Variants in ACER3 observed in about 807,000 individuals in gnomAD.
The protein encoded by ACER3 is alkCDase 3.
Under a neutral mutation model 48.9 loss-of-function variants are expected in ACER3, and 16 were observed. The ratio of observed to expected loss-of-function variants is 0.33; its 90% CI spans 0.22 to 0.50. ACER3 has a LOEUF of 0.50. Ranked by LOEUF, ACER3 falls within the 20% of genes least tolerant of loss-of-function variation. The pLI is 0.98. For synonymous variants in ACER3, 109 were observed against 107.8 expected (o/e 1.01, Z -0.07); for missense variants, 227 against 326.0 (o/e 0.70, Z 2.34).
chr11:77,004,867 T>G (rs1426395286), intron 7 of ACER3, among the ~76,000 whole-genome samples: 1 of 152,164 alleles, frequency 6.6e-6, no homozygotes, highest in Non-Finnish European at 1.5e-5. Flanking sequence ...GTCATGTTTT[T>G]AATCCACTCT....
At chr11:76,922,552 C>A (rs1946714903) in intron 1 of ACER3, among the ~76,000 whole-genome samples, 1 of 152,102 alleles carries the variant, frequency 6.6e-6, no homozygotes, top group Admixed American at 6.5e-5. Flanking sequence ...TTACTTTATT[C>A]TTTGTACAGT....
At chr11:76,988,185 C>A (rs549402597) in intron 5 of ACER3, among the ~76,000 whole-genome samples, 2 of 152,060 alleles carry the variant, frequency 1.3e-5, no homozygotes, top group Admixed American at 6.6e-5. Context: ...GACCAGGTAA[C>A]CTTAATGAGG....
chr11:76,915,245 G>GA (rs982197282), intron 1 of ACER3, among the ~76,000 whole-genome samples: 14 of 150,742 alleles, frequency 9.3e-5, no homozygotes, highest in Non-Finnish European at 1.8e-4. Context: ...AAAGAAGACA[G>GA]AAAAAAAAGG....
At chr11:76,934,709 G>A (rs1590955326) in intron 2 of ACER3, among the ~76,000 whole-genome samples, 3 of 141,136 alleles carry the variant, frequency 2.1e-5, no homozygotes. Flanking sequence ...GGGGAGACGG[G>A]AGAGGGAGGG....
chr11:77,015,186 C>T (rs1949344937), intron 8 of ACER3, 69 bp downstream of exon 8: 4 of 848,232 alleles, frequency 4.7e-6, no homozygotes, highest in African/African-American at 1.7e-5. Flanking sequence ...ATTTTATAAA[C>T]ATATAGAAAT....
At chr11:76,870,596 A>G (rs1371165809) in intron 1 of ACER3, among the ~76,000 whole-genome samples, 1 of 152,224 alleles carries the variant, frequency 6.6e-6, no homozygotes, top group Non-Finnish European at 1.5e-5. Context: ...TAACCTTTTC[A>G]TTATAAAGAA....
chr11:76,944,553 G>A (rs976869359), intron 2 of ACER3, among the ~76,000 whole-genome samples: 17 of 152,178 alleles, frequency 1.1e-4, no homozygotes, highest in Non-Finnish European at 1.5e-4. Context: ...GGCCTGTAAG[G>A]TTTCTATTAG....
At position 77,022,883 on chromosome 11, in the gene ACER3, A is replaced by AAG; in HGVS notation, c.*2557_*2558insGA. On this transcript the variant is annotated 3_prime_UTR_variant, in exon 11 of 11. Transcript: ENST00000532485. ...GACTCCGTCTCAAAAAAAAAAAAAA[A>AAG]AAAAAAAAAGAAAAGAAAAGAAAAT... is the stretch of plus-strand genomic sequence containing the variant. 1 of 21,622 alleles carries AAG rather than the reference A, an allele frequency of 4.6e-5. No individual in the cohort carries two copies. Among genetic ancestry groups the AAG allele is most frequent in the Non-Finnish European group, 1.2e-4 (1 of 8,206 alleles). 1.3% of individuals were successfully genotyped at this position (21,622 alleles called of 1,614,324 possible).
chr11:76,972,273 A>G (rs543464765), intron 3 of ACER3, among the ~76,000 whole-genome samples: 1 of 151,346 alleles, frequency 6.6e-6, no homozygotes, highest in East Asian at 1.9e-4. Flanking sequence ...TCTTTTTAGT[A>G]TAGCCATCTT....
intron 1 of ACER3, among the ~76,000 whole-genome samples, chr11:76,878,046 G>A (rs1160599560): frequency 6.6e-6 from 1 of 151,730 alleles, no homozygotes; most frequent in African/African-American, 2.4e-5. Context: ...GAATTCCACT[G>A]TATGAATACA....
In ACER3 at chr11:77,025,745, T is replaced by C. The variant is rs1201939037; in HGVS notation, c.*5418T>C. 6.6e-6 allele frequency: 1 copy of C among 152,190 alleles called. No individual in the cohort carries two copies. Among genetic ancestry groups the C allele is most frequent in the Non-Finnish European group, 1.5e-5 (1 of 68,030 alleles). The allele number at this position is 152,190 out of a possible 1,614,324, so 9.4% of individuals were successfully genotyped here. A position where few individuals can be genotyped will look rare whatever the true frequency, so the allele number is the denominator to read the frequency against. ...AAAAACGTTTAGAGAAAGAAGAATATGCAACAGAAACTGTATGTAGCCTGC... is the reference window on the plus strand; with the variant it reads ...AAAAACGTTTAGAGAAAGAAGAATACGCAACAGAAACTGTATGTAGCCTGC... On this transcript the variant is annotated 3_prime_UTR_variant, in exon 11 of 11. Coordinates refer to ENST00000532485, the MANE Select transcript of ACER3 (RefSeq NM_018367.7).
chr11:76,952,668 C>CTTTTTTTTT (rs398016733), intron 2 of ACER3, among the ~76,000 whole-genome samples: 1 of 132,992 alleles, frequency 7.5e-6, no homozygotes. Context: ...CGTAAGATTT[C>CTTTTTTTTT]TTTTTTTTTT....
intron 4 of ACER3, among the ~76,000 whole-genome samples, chr11:76,984,362 A>G (rs972555938): frequency 1.3e-5 from 2 of 152,238 alleles, no homozygotes; most frequent in Non-Finnish European, 2.9e-5. Flanking sequence ...AAAAGTAAAA[A>G]CTAATATTTC....
intron 4 of ACER3, 81 bp downstream of exon 4, chr11:76,976,422 T>C (rs1948445156): frequency 1.4e-6 from 1 of 723,478 alleles, no homozygotes; most frequent in Non-Finnish European, 2.3e-6. Context: ...AACTGATACA[T>C]TTATATTACT....
chr11:76,864,164 C>T (rs186835644), intron 1 of ACER3, among the ~76,000 whole-genome samples: 49 of 152,326 alleles, frequency 3.2e-4, no homozygotes, highest in South Asian at 2.1e-4. Context: ...TTCCTAGCAT[C>T]AGCCAAGATC....
At chr11:76,933,173 C>CATATATATATAT (rs144524712) in intron 2 of ACER3, among the ~76,000 whole-genome samples, 9,837 of 129,208 alleles carry the variant, frequency 0.076, 557 homozygotes, top group East Asian at 0.16. Context: ...ATACGTATTT[C>CATATATATATAT]ATATATATAT....
At chr11:76,922,462 A>G (rs1303863684) in intron 1 of ACER3, among the ~76,000 whole-genome samples, 1 of 152,152 alleles carries the variant, frequency 6.6e-6, no homozygotes, top group Non-Finnish European at 1.5e-5. Flanking sequence ...ACTTAAAACT[A>G]TTGATAACTG....
chr11:76,939,203 G>A (rs375151764), intron 2 of ACER3, among the ~76,000 whole-genome samples: 1 of 152,148 alleles, frequency 6.6e-6, no homozygotes, highest in Non-Finnish European at 1.5e-5. Context: ...AACTGATTTA[G>A]GCAAGAGTCA....
intron 1 of ACER3, among the ~76,000 whole-genome samples, chr11:76,902,738 A>G (rs560460495): frequency 6.6e-6 from 1 of 152,312 alleles, no homozygotes; most frequent in East Asian, 1.9e-4. Flanking sequence ...TTACTGCCAT[A>G]TGCAATTTAC....
Sources: allele counts gnomAD v4.1 joint callset (sites outside exome capture counted in the v4.1 genomes callset), GRCh38; gene constraint gnomAD v4.1.1; transcripts MANE v1.5; gene names NCBI Gene and HGNC (gene_info 2026-07-23, HGNC 2026-07-21).